INPP5B: variants seen among roughly 807,000 people sequenced by gnomAD.
INPP5B encodes inositol polyphosphate-5-phosphatase B.
A neutral mutation model predicts 118.5 loss-of-function variants in INPP5B; 90 were observed. That is an observed-to-expected ratio of 0.76 (90% CI 0.64 to 0.90). The LOEUF (loss-of-function observed/expected upper bound fraction) is 0.90. INPP5B is among the 40% of genes least tolerant of loss of function. The pLI is 0.00. For synonymous variants in INPP5B, 385 were observed against 418.9 expected (o/e 0.92, Z 0.99); for missense variants, 984 against 1,125.6 (o/e 0.87, Z 1.80).
intron 7 of INPP5B, among the ~76,000 whole-genome samples, chr1:37,914,146 T>C (rs1385468573): frequency 6.6e-6 from 1 of 152,166 alleles, no homozygotes; most frequent in Non-Finnish European, 1.5e-5. Context: ...AGCCTGTTGG[T>C]GGACTCTTCA....
At chr1:37,931,809 A>C in intron 7 of INPP5B, 104 bp downstream of exon 7, 1 of 1,607,770 alleles carries the variant, frequency 6.2e-7, no homozygotes, top group Non-Finnish European at 8.5e-7. Flanking sequence ...CCATCAATCG[A>C]AAGCCTGTCT....
intron 7 of INPP5B, among the ~76,000 whole-genome samples, chr1:37,920,797 A>G (rs1645027174): frequency 1.3e-5 from 2 of 151,736 alleles, no homozygotes; most frequent in Non-Finnish European, 2.9e-5. Context: ...CTAAGCCTCA[A>G]TCTCCCAGCT....
intron 23 of INPP5B, 79 bp downstream of exon 23, chr1:37,864,232 TG>T: frequency 1.3e-6 from 1 of 781,020 alleles, no homozygotes; most frequent in Non-Finnish European, 2.2e-6. Context: ...GCAAGGGACC[TG>T]GGACCCTCCT....
rs374940636 is a variant in INPP5B at position 37,862,442 on chromosome 1, A to T, written c.2627-12T>A. On this transcript the variant is annotated splice_polypyrimidine_tract_variant and intron_variant, in intron 23 of 23. Transcript: ENST00000373024. ...GCCAAATATGCTAGCTGCAAGAAAAAACACAGAAAAGAAATGATTCAGCAA... is the reference window on the plus strand; with the variant it reads ...GCCAAATATGCTAGCTGCAAGAAAATACACAGAAAAGAAATGATTCAGCAA... The T allele has an allele frequency of 3.9e-6, 6 of 1,537,018 alleles. No homozygotes were observed. The highest frequency in any genetic ancestry group is 5.4e-6 in the Non-Finnish European group (6 of 1,110,082).
chr1:37,945,728 A>G (rs372034423), intron 3 of INPP5B, 28 bp downstream of exon 3: 8 of 1,564,626 alleles, frequency 5.1e-6, no homozygotes, highest in Non-Finnish European at 7.0e-6. Flanking sequence ...CATGGCCCAG[A>G]CAGGTGGGGA....
chr1:37,933,381 C>T (rs28597889), intron 6 of INPP5B, among the ~76,000 whole-genome samples: 139,206 of 152,070 alleles, frequency 0.92, 64,521 homozygotes, highest in Non-Finnish European at 0.99. Context: ...ACCCTGTCTC[C>T]ACAAAAAATA....
chr1:37,894,561 C>CTTTTTT (rs759895009), intron 7 of INPP5B, among the ~76,000 whole-genome samples: 8 of 139,026 alleles, frequency 5.8e-5, no homozygotes, highest in Non-Finnish European at 9.4e-5. Context: ...TTTCTTTTTT[C>CTTTTTT]TTTTTTTTTT....
At chr1:37,942,646 C>T (rs543115398) in intron 5 of INPP5B, among the ~76,000 whole-genome samples, 3 of 151,786 alleles carry the variant, frequency 2.0e-5, no homozygotes, top group Admixed American at 6.6e-5. Context: ...TGGTGGCTCA[C>T]GCCTATAATC....
chr1:37,930,331 C>A (rs1436604475), intron 7 of INPP5B: 2 of 152,232 alleles, frequency 1.3e-5, no homozygotes, highest in Non-Finnish European at 2.9e-5. Context: ...GAGATCCCTG[C>A]ACATTTCTCA....
At chr1:37,888,453 G>A (rs1643661414) in intron 9 of INPP5B, 109 bp from the exon 10 acceptor site, 1 of 587,992 alleles carries the variant, frequency 1.7e-6, no homozygotes, top group Non-Finnish European at 2.8e-6. Flanking sequence ...CTGGCATTTT[G>A]AGACATAAGA....
intron 5 of INPP5B, among the ~76,000 whole-genome samples, chr1:37,942,459 T>G (rs1401009528): frequency 1.3e-5 from 2 of 151,990 alleles, no homozygotes; most frequent in Non-Finnish European, 2.9e-5. Context: ...AAGCGTGATT[T>G]GGTGTATGTA....
chr1:37,942,337 G>C (rs1645963434), intron 5 of INPP5B: 1 of 151,946 alleles, frequency 6.6e-6, no homozygotes, highest in Admixed American at 6.6e-5. Flanking sequence ...GGGAGGCTGA[G>C]GCAGGAGAAT....
intron 7 of INPP5B, chr1:37,931,394 C>T (rs1645451127): frequency 6.9e-6 from 10 of 1,451,094 alleles, no homozygotes; most frequent in South Asian, 2.6e-5. Flanking sequence ...CAGCGAGTGG[C>T]CCGAGGTCAC....
chr1:37,874,166 G>A lies in INPP5B; in HGVS notation c.1789-11C>T, dbSNP rs1365498367. 3 of 1,547,014 alleles carry A rather than the reference G, an allele frequency of 1.9e-6. No individual in the cohort carries two copies. In the Admixed American group the frequency reaches 5.2e-5, roughly 27 times the overall value. Reference sequence around the variant, plus strand: ...ATTCTGAAAACAGAACTGGGAAGAAGCCCGGGGCCAGTGAAAACCAGTGCC... The same window carrying A: ...ATTCTGAAAACAGAACTGGGAAGAAACCCGGGGCCAGTGAAAACCAGTGCC... On this transcript the variant is annotated splice_polypyrimidine_tract_variant and intron_variant, in intron 17 of 23. Coordinates refer to ENST00000373024, the MANE Select transcript of INPP5B (RefSeq NM_005540.3).
In INPP5B at chr1:37,864,427, A is replaced by T; in HGVS notation, c.2515-4T>A. 6.5e-7 allele frequency: 1 copy of T among 1,530,222 alleles called. No homozygotes were observed. The highest frequency in any genetic ancestry group is 9.1e-7 in the Non-Finnish European group (1 of 1,104,626). The allele number at this position is 1,530,222 out of a possible 1,614,324, so 94.8% of individuals were successfully genotyped here. ...ATATGGGGAGAGTAGAAATGACCTG[A>T]AAGAGGAAGAACCGGGATTTGTCTT... On this transcript the variant is annotated splice_polypyrimidine_tract_variant and splice_region_variant and intron_variant, in intron 22 of 23. Transcript: ENST00000373024.
chr1:37,881,780 C>T (rs1394311461), intron 14 of INPP5B, among the ~76,000 whole-genome samples: 2 of 152,030 alleles, frequency 1.3e-5, no homozygotes, highest in Non-Finnish European at 2.9e-5. Context: ...GAATCTTTTT[C>T]TTTAATTAAT....
intron 12 of INPP5B, 126 bp from the exon 13 acceptor site, chr1:37,885,951 G>A (rs1570096055): frequency 1.2e-5 from 9 of 764,536 alleles, no homozygotes; most frequent in African/African-American, 1.7e-5. Context: ...AGTCCGAGGC[G>A]GGTGGATCAT....
At chr1:37,946,407 G>C in intron 1 of INPP5B, 73 bp from the exon 2 acceptor site, 1 of 1,117,402 alleles carries the variant, frequency 8.9e-7, no homozygotes, top group South Asian at 1.3e-5. Context: ...GCCTCAGAGG[G>C]GTTGGGGGCA....
intron 21 of INPP5B, among the ~76,000 whole-genome samples, chr1:37,866,248 C>A (rs929609783): frequency 1.3e-5 from 2 of 152,116 alleles, no homozygotes; most frequent in African/African-American, 2.4e-5. Context: ...TAGAGATGGA[C>A]CCTGTCTCAA....
Sources: gnomAD v4.1 joint callset for allele counts (sites outside exome capture counted in the v4.1 genomes callset) on GRCh38, gnomAD v4.1.1 for gene constraint, MANE v1.5 for transcripts, NCBI Gene and HGNC (gene_info 2026-07-23, HGNC 2026-07-21) for gene names.